EPHA6: variants seen among roughly 807,000 people sequenced by gnomAD.
EPHA6 encodes the protein ephrin type-A receptor 6.
A neutral mutation model predicts 112.0 loss-of-function variants in EPHA6; 50 were observed. The observed-to-expected ratio is 0.45, with a 90% CI of 0.36 to 0.56. The LOEUF is 0.56. Ranked by LOEUF, EPHA6 falls within the 20% of genes least tolerant of loss-of-function variation. EPHA6 has a pLI of 0.00. For missense variants in EPHA6, 1,280 were observed against 1,417.4 expected (o/e 0.90, Z 1.56); for synonymous variants, 529 against 490.7 (o/e 1.08, Z -1.03).
intron 10 of EPHA6, among the ~76,000 whole-genome samples, chr3:97,492,582 A>C (rs1488721611): frequency 3.6e-5 from 5 of 138,170 alleles, no homozygotes; most frequent in South Asian, 2.3e-4. Context: ...AAAAAAAAAA[A>C]AAAAAAAAAA....
chr3:97,491,232 A>T (rs997066734), intron 10 of EPHA6, among the ~76,000 whole-genome samples: 3 of 152,228 alleles, frequency 2.0e-5, no homozygotes, highest in African/African-American at 7.2e-5. Flanking sequence ...AGGCCATCTT[A>T]AAAGTTTGCC....
At chr3:97,695,262 A>G (rs1411244871) in intron 14 of EPHA6, among the ~76,000 whole-genome samples, 3 of 152,228 alleles carry the variant, frequency 2.0e-5, no homozygotes, top group Non-Finnish European at 2.9e-5. Context: ...TTCCAGTGCC[A>G]GAACTCATGT....
intron 1 of EPHA6, among the ~76,000 whole-genome samples, chr3:96,849,533 A>G (rs903000552): frequency 6.6e-6 from 1 of 152,142 alleles, no homozygotes; most frequent in Non-Finnish European, 1.5e-5. Flanking sequence ...GGAAACCAGG[A>G]GAATGCAGGA....
At chr3:97,689,620 TTTG>T (rs1326374113) in intron 14 of EPHA6, among the ~76,000 whole-genome samples, 19 of 152,162 alleles carry the variant, frequency 1.2e-4, no homozygotes, top group African/African-American at 4.6e-4. Flanking sequence ...ATTGCTGCAT[TTTG>T]TTTTTAACGA....
rs2093798056 is a variant in EPHA6 at position 97,619,729 on chromosome 3, A to G, written c.2574+8875A>G. ...AACAAGGGAAGTGAAAGATCTCTAC[A>G]AGGAAAACTATAAACCACTACTCAA... On this transcript the variant is annotated intron_variant, in intron 13 of 17. Coordinates refer to ENST00000389672, the MANE Select transcript of EPHA6 (RefSeq NM_001080448.3). Among the ~76,000 whole-genome samples, 3 of 152,134 alleles carry G rather than the reference A, an allele frequency of 2.0e-5. No homozygotes were observed. The South Asian group carries it at 6.2e-4, about 31-fold the overall frequency.
chr3:97,063,238 GA>G (rs1448614708), intron 3 of EPHA6, among the ~76,000 whole-genome samples: 5 of 152,048 alleles, frequency 3.3e-5, no homozygotes, highest in Non-Finnish European at 7.4e-5. Context: ...CTATTATAAA[GA>G]TGCATGCATG....
intron 3 of EPHA6, among the ~76,000 whole-genome samples, chr3:97,014,027 G>A (rs1323391435): frequency 6.6e-6 from 1 of 151,876 alleles, no homozygotes; most frequent in African/African-American, 2.4e-5. Context: ...TATGCTGAAT[G>A]GTGAATATTT....
chr3:96,856,888 A>AGTCTC (rs910557226), intron 1 of EPHA6, among the ~76,000 whole-genome samples: 2 of 152,168 alleles, frequency 1.3e-5, no homozygotes, highest in Non-Finnish European at 2.9e-5. Flanking sequence ...TTTATAAATG[A>AGTCTC]GTCTCCTGTA....
chr3:97,014,306 C>A (rs186997122), intron 3 of EPHA6, among the ~76,000 whole-genome samples: 2 of 151,392 alleles, frequency 1.3e-5, no homozygotes, highest in African/African-American at 4.9e-5. Flanking sequence ...CCTTCCTTTC[C>A]GTCCTTTCTC....
intron 1 of EPHA6, among the ~76,000 whole-genome samples, chr3:96,845,550 C>A (rs1284322873): frequency 6.6e-6 from 1 of 151,844 alleles, no homozygotes; most frequent in African/African-American, 2.4e-5. Context: ...TGTCTTAGTT[C>A]CTTGTTTGTT....
At chr3:97,485,520 G>A (rs890530015) in intron 10 of EPHA6, among the ~76,000 whole-genome samples, 2 of 152,096 alleles carry the variant, frequency 1.3e-5, no homozygotes, top group Non-Finnish European at 2.9e-5. Context: ...AGGTACCATA[G>A]ATCACCTCAT....
intron 3 of EPHA6, among the ~76,000 whole-genome samples, chr3:97,090,531 C>G (rs912342525): frequency 6.6e-6 from 1 of 151,942 alleles, no homozygotes; most frequent in South Asian, 2.1e-4. Flanking sequence ...TTTGAAAATT[C>G]AAGAAATGGA....
chr3:97,045,260 G>T (rs922865317), intron 3 of EPHA6, among the ~76,000 whole-genome samples: 18 of 151,906 alleles, frequency 1.2e-4, no homozygotes, highest in African/African-American at 4.3e-4. Flanking sequence ...GAAAATATCT[G>T]ATACTGGTAT....
Position 97,749,320 on chromosome 3 carries a change from T to A in EPHA6, c.*619T>A, listed in dbSNP as rs1271352107. 1 of 214,034 alleles carries A rather than the reference T, an allele frequency of 4.7e-6. No homozygotes were observed. Among genetic ancestry groups the A allele is most frequent in the Non-Finnish European group, 9.4e-6 (1 of 106,010 alleles). The allele number at this position is 214,034 out of a possible 1,614,324, so 13.3% of individuals were successfully genotyped here. A position where few individuals can be genotyped will look rare whatever the true frequency, so the allele number is the denominator to read the frequency against. On this transcript the variant is annotated 3_prime_UTR_variant, in exon 18 of 18. Transcript: ENST00000389672. ...GGGTTATTAGGGAGGGAGAAAAAAA[T>A]ACTGTGTTTATAAATCTTCTGAGGC... is the stretch of plus-strand genomic sequence containing the variant.
intron 5 of EPHA6, among the ~76,000 whole-genome samples, chr3:97,383,186 A>G (rs563896830): frequency 6.6e-6 from 1 of 152,108 alleles, no homozygotes; most frequent in African/African-American, 2.4e-5. Flanking sequence ...ACTTACTAAT[A>G]TTTTTTATAG....
At chr3:97,540,133 CTGT>C (rs758623294) in intron 11 of EPHA6, among the ~76,000 whole-genome samples, 1 of 152,130 alleles carries the variant, frequency 6.6e-6, no homozygotes, top group Non-Finnish European at 1.5e-5. Flanking sequence ...GTACTTTTTG[CTGT>C]TGTTCAAAAA....
chr3:97,421,222 T>C (rs1049908148), intron 6 of EPHA6, among the ~76,000 whole-genome samples: 19 of 152,190 alleles, frequency 1.2e-4, no homozygotes, highest in African/African-American at 4.1e-4. Context: ...AAAGCATATA[T>C]GTTGTTAAAA....
intron 13 of EPHA6, among the ~76,000 whole-genome samples, chr3:97,612,959 A>G (rs2107467457): frequency 6.6e-6 from 1 of 152,192 alleles, no homozygotes; most frequent in East Asian, 1.9e-4. Flanking sequence ...TTATGAATTC[A>G]TTTTATTAAA....
At chr3:97,043,701 G>A (rs573163534) in intron 3 of EPHA6, among the ~76,000 whole-genome samples, 1 of 152,174 alleles carries the variant, frequency 6.6e-6, no homozygotes, top group Admixed American at 6.5e-5. Context: ...TACTAGCCAA[G>A]ATAGGAAGCA....
Sources: allele counts gnomAD v4.1 joint callset (sites outside exome capture counted in the v4.1 genomes callset), GRCh38; gene constraint gnomAD v4.1.1; transcripts MANE v1.5; gene names NCBI Gene and HGNC (gene_info 2026-07-23, HGNC 2026-07-21).